OPCML: variants seen among roughly 807,000 people sequenced by gnomAD.
OPCML encodes opioid binding protein/cell adhesion molecule like, also known as opioid-binding protein/cell adhesion molecule.
Under a neutral mutation model 37.8 loss-of-function variants are expected in OPCML, and 13 were observed. The ratio of observed to expected loss-of-function variants is 0.34; its 90% confidence interval spans 0.22 to 0.55. OPCML has a LOEUF of 0.55. Ranked by LOEUF, OPCML falls within the 20% of genes least tolerant of loss-of-function variation. The pLI, the probability that OPCML is intolerant of heterozygous loss-of-function variation, is 0.91. For synonymous variants in OPCML, 176 were observed against 168.8 expected, an observed-to-expected ratio of 1.04 and a Z score of -0.33; for missense variants, 341 against 435.6, an observed-to-expected ratio of 0.78 and a Z score of 1.93.
chr11:133,310,078 T>C (rs1045757730), intron 1 of OPCML, among the ~76,000 whole-genome samples: 8 of 152,160 alleles, frequency 5.3e-5, no homozygotes, highest in African/African-American at 1.9e-4. Flanking sequence ...CGAAGATGGA[T>C]AAAATCGTAG....
intron 2 of OPCML, among the ~76,000 whole-genome samples, chr11:132,873,291 T>A (rs1476082944): frequency 6.6e-6 from 1 of 152,226 alleles, no homozygotes; most frequent in African/African-American, 2.4e-5. Flanking sequence ...ACATTAAGCA[T>A]CCTAGCAGAT....
chr11:132,565,057 C>T lies in OPCML; in HGVS notation c.380-35871G>A, dbSNP rs115136629. Among the ~76,000 whole-genome samples the T allele has an allele frequency of 1.7e-3, 256 of 152,214 alleles. 4 individuals carry two copies. The South Asian group carries it at 0.025, about 15-fold the overall frequency. ...GAAAGGGCTTTAAGAACTGTAAAAG[C>T]CTTCTGTTATTAAATAATCTTAACG... On this transcript the variant is annotated intron_variant, in intron 3 of 7. Coordinates refer to ENST00000524381, the MANE Select transcript of OPCML (RefSeq NM_001012393.5).
intron 1 of OPCML, chr11:133,118,172 G>A (rs1468075597): frequency 1.2e-5 from 11 of 918,250 alleles, no homozygotes; most frequent in Non-Finnish European, 1.3e-5. Context: ...TCTAAAAGTG[G>A]TAGTGCAGTG....
chr11:132,691,441 C>T (rs1304009082), intron 2 of OPCML, among the ~76,000 whole-genome samples: 1 of 152,196 alleles, frequency 6.6e-6, no homozygotes, highest in South Asian at 2.1e-4. Context: ...ATTGTGTCAA[C>T]TTCTGTGTTA....
intron 1 of OPCML, among the ~76,000 whole-genome samples, chr11:133,071,175 T>C (rs1359527446): frequency 3.3e-5 from 5 of 152,234 alleles, no homozygotes; most frequent in Admixed American, 1.3e-4. Context: ...TCATCAAAGA[T>C]GATGGCTTTG....
intron 1 of OPCML, among the ~76,000 whole-genome samples, chr11:133,467,775 C>A (rs910462029): frequency 6.6e-6 from 1 of 152,138 alleles, no homozygotes; most frequent in African/African-American, 2.4e-5. Context: ...ATTCAGGGTG[C>A]CCAACTTCTT....
At chr11:132,711,062 G>A (rs1944245098) in intron 2 of OPCML, among the ~76,000 whole-genome samples, 1 of 152,142 alleles carries the variant, frequency 6.6e-6, no homozygotes, top group Non-Finnish European at 1.5e-5. Context: ...CAGTGACAGA[G>A]ACGTGGTGGG....
chr11:133,391,292 C>G (rs1945169275), intron 1 of OPCML, among the ~76,000 whole-genome samples: 1 of 152,302 alleles, frequency 6.6e-6, no homozygotes, highest in East Asian at 1.9e-4. Flanking sequence ...ATTGCTCCTC[C>G]AAGCCCATGG....
Position 132,957,265 on chromosome 11 carries a change from C to T in OPCML, c.62-14255G>A, listed in dbSNP as rs184473180. On this transcript the variant is annotated intron_variant, in intron 1 of 7. Coordinates refer to ENST00000524381, the MANE Select transcript of OPCML (RefSeq NM_001012393.5). ...AATCCATTGCTCATCCTCCTTCCTT[C>T]CACCTCCAGGCATTAGAAAGTCTCC... Among the ~76,000 whole-genome samples, 344 of 151,132 alleles carry T rather than the reference C, an allele frequency of 2.3e-3. 2 individuals carry two copies. Among genetic ancestry groups the T allele is most frequent in the Non-Finnish European group, 3.6e-3 (243 of 67,806 alleles).
intron 1 of OPCML, among the ~76,000 whole-genome samples, chr11:133,376,010 A>G (rs570585198): frequency 6.6e-6 from 1 of 152,328 alleles, no homozygotes; most frequent in Non-Finnish European, 1.5e-5. Context: ...AGATGCATTC[A>G]CTGAAACTTT....
intron 2 of OPCML, among the ~76,000 whole-genome samples, chr11:132,879,983 A>G (rs1323507063): frequency 6.6e-6 from 1 of 152,186 alleles, no homozygotes; most frequent in Admixed American, 6.5e-5. Flanking sequence ...CTTGTCTTCA[A>G]TTAACCTTCC....
intron 2 of OPCML, among the ~76,000 whole-genome samples, chr11:132,748,792 G>A (rs748482668): frequency 6.6e-6 from 1 of 152,184 alleles, no homozygotes; most frequent in Non-Finnish European, 1.5e-5. Flanking sequence ...CTGTGCTGGA[G>A]GGGATGTGAG....
At chr11:133,296,847 G>A (rs1942643898) in intron 1 of OPCML, among the ~76,000 whole-genome samples, 2 of 152,128 alleles carry the variant, frequency 1.3e-5, no homozygotes, top group South Asian at 4.1e-4. Context: ...TTAGTAAATA[G>A]GTTAACATAG....
intron 2 of OPCML, among the ~76,000 whole-genome samples, chr11:132,933,810 GA>G (rs1205524670): frequency 6.6e-6 from 1 of 152,152 alleles, no homozygotes; most frequent in Non-Finnish European, 1.5e-5. Flanking sequence ...AGATGGCAGA[GA>G]AAAGCACACG....
Position 132,851,465 on chromosome 11 carries a change from T to C in OPCML, c.146+91461A>G, listed in dbSNP as rs563722613. 1.1e-4 allele frequency among the ~76,000 whole-genome samples: 16 copies of C among 152,254 alleles called. No individual in the cohort carries two copies. The East Asian group carries it at 3.1e-3, about 29-fold the overall frequency. On this transcript the variant is annotated intron_variant, in intron 2 of 7. Transcript: ENST00000524381. The stretch of plus-strand genomic sequence containing the variant: ...GGGTGGTGCAGTGTGGACGAACAGC[T>C]TCCCCTAGGTTCCTCCCAAACAGGT...
chr11:132,757,710 T>C (rs12381112), intron 2 of OPCML, among the ~76,000 whole-genome samples: 1 of 152,236 alleles, frequency 6.6e-6, no homozygotes, highest in Non-Finnish European at 1.5e-5. Flanking sequence ...TGTTGTCAGA[T>C]AAATAGATTG....
chr11:133,456,977 AC>A (rs1946683759), intron 1 of OPCML, among the ~76,000 whole-genome samples: 5 of 152,216 alleles, frequency 3.3e-5, no homozygotes, highest in Non-Finnish European at 7.3e-5. Flanking sequence ...CAAAAGCTTC[AC>A]AAATGTGAAG....
chr11:133,157,563 T>A (rs1950080136), intron 1 of OPCML, among the ~76,000 whole-genome samples: 1 of 152,196 alleles, frequency 6.6e-6, no homozygotes, highest in Non-Finnish European at 1.5e-5. Context: ...ATCCTTCCGC[T>A]TTTTCTCAGC....
Position 133,458,806 on chromosome 11 carries a change from T to C in OPCML, c.61+73458A>G, listed in dbSNP as rs536418190. ...ACACATAGATGCACGTGTGTGTGTA[T>C]ATACACATAGATGCACGTGTGTGTG... On this transcript the variant is annotated intron_variant, in intron 1 of 7. Coordinates refer to ENST00000524381, the MANE Select transcript of OPCML (RefSeq NM_001012393.5). 3.3e-4 allele frequency among the ~76,000 whole-genome samples: 50 copies of C among 151,182 alleles called. No homozygotes were observed. The East Asian group carries it at 3.7e-3, about 11-fold the overall frequency.
Sources: gnomAD v4.1 joint callset for allele counts (sites outside exome capture counted in the v4.1 genomes callset) on GRCh38, gnomAD v4.1.1 for gene constraint, MANE v1.5 for transcripts, NCBI Gene and HGNC (gene_info 2026-07-23, HGNC 2026-07-21) for gene names.